TUSC3: variants seen among roughly 807,000 people sequenced by gnomAD.
TUSC3 encodes the protein dolichyl-diphosphooligosaccharide--protein glycosyltransferase subunit TUSC3.
Under a neutral mutation model 44.8 loss-of-function variants are expected in TUSC3, and 45 were observed. The ratio of observed to expected loss-of-function variants is 1.00; its 90% CI spans 0.79 to 1.29. TUSC3 has a LOEUF of 1.29. Ranked by LOEUF, TUSC3 falls within the 50% of genes most tolerant of loss-of-function variation. The pLI is 0.00. For synonymous variants in TUSC3, 212 were observed against 152.9 expected (o/e 1.39, Z -2.85); for missense variants, 519 against 437.9 (o/e 1.19, Z -1.65).
intron 5 of TUSC3, among the ~76,000 whole-genome samples, chr8:15,670,352 A>G (rs550028890): frequency 2.0e-5 from 3 of 151,868 alleles, no homozygotes; most frequent in African/African-American, 7.2e-5. Flanking sequence ...ATTTCACATA[A>G]AGCCATCTGG....
the TUSC3 span, among the ~76,000 whole-genome samples, chr8:15,788,115 G>T: frequency 2.0e-5 from 3 of 152,168 alleles, no homozygotes; most frequent in Non-Finnish European, 4.4e-5. Flanking sequence ...GACTATGGCT[G>T]TGAGGACTTT....
rs1342749454 is a variant in TUSC3, at chr8:15,573,086, A to T, written c.138+32518A>T. On this transcript the variant is annotated intron_variant, in intron 1 of 10. Transcript: ENST00000503731. ...ACCTTCAATTTGTAAAAAATGCCTT[A>T]TCTGTGAAGCGCAGTTAAGCAAAGC... 3.3e-5 allele frequency among the ~76,000 whole-genome samples: 5 copies of T among 151,116 alleles called. No homozygotes were observed. In the East Asian group the frequency reaches 9.8e-4, roughly 30 times the overall value.
downstream of TUSC3, among the ~76,000 whole-genome samples, chr8:15,770,364 C>G (rs898170407): frequency 2.0e-5 from 3 of 152,036 alleles, no homozygotes; most frequent in African/African-American, 7.2e-5. Flanking sequence ...ACAGTGAGAA[C>G]GCATGGACAC....
chr8:15,768,997 C>T (rs1016722830), downstream of TUSC3, among the ~76,000 whole-genome samples: 7 of 151,976 alleles, frequency 4.6e-5, no homozygotes, highest in African/African-American at 7.3e-5. Context: ...ATGGCCGTAC[C>T]GCCAAAAGTA....
intron 2 of TUSC3, among the ~76,000 whole-genome samples, chr8:15,513,262 A>T (rs940251636): frequency 6.6e-6 from 1 of 151,998 alleles, no homozygotes; most frequent in Non-Finnish European, 1.5e-5. Context: ...AAGAAACCAC[A>T]CAGTAGATAA....
At chr8:15,790,941 T>C in the TUSC3 span, among the ~76,000 whole-genome samples, 1 of 152,202 alleles carries the variant, frequency 6.6e-6, no homozygotes, top group East Asian at 1.9e-4. Context: ...CTGAAGTTTT[T>C]AAGCAGGAGA....
chr8:15,483,052 A>T (rs964360402), intron 1 of TUSC3, among the ~76,000 whole-genome samples: 1 of 152,232 alleles, frequency 6.6e-6, no homozygotes, highest in Non-Finnish European at 1.5e-5. Context: ...TATTTGCAGA[A>T]CATCATAGAA....
At chr8:15,495,895 C>T (rs1454834507) in intron 2 of TUSC3, among the ~76,000 whole-genome samples, 1 of 152,094 alleles carries the variant, frequency 6.6e-6, no homozygotes, top group Non-Finnish European at 1.5e-5. Context: ...ATTTATTTTG[C>T]CTCCAGGGTC....
At chr8:15,830,517 T>C in the TUSC3 span, among the ~76,000 whole-genome samples, 1 of 152,162 alleles carries the variant, frequency 6.6e-6, no homozygotes, top group Admixed American at 6.5e-5. Context: ...TCTAGGTGTT[T>C]ATCGATGGAT....
the TUSC3 span, among the ~76,000 whole-genome samples, chr8:15,827,254 G>C: frequency 6.6e-6 from 1 of 152,172 alleles, no homozygotes; most frequent in African/African-American, 2.4e-5. Flanking sequence ...AACATTATTT[G>C]ATTCTAACTC....
chr8:15,441,735 G>A (rs180905448), intron 1 of TUSC3, among the ~76,000 whole-genome samples: 2 of 151,890 alleles, frequency 1.3e-5, no homozygotes, highest in East Asian at 1.9e-4. Context: ...AGAGAACAGG[G>A]GGTATGTATT....
At chr8:15,427,551 C>T (rs1416629636) in intron 1 of TUSC3, among the ~76,000 whole-genome samples, 1 of 152,154 alleles carries the variant, frequency 6.6e-6, no homozygotes, top group East Asian at 1.9e-4. Flanking sequence ...GGTCAAGCCA[C>T]GCACTTGGTC....
chr8:15,555,438 A>G (rs886824791), intron 1 of TUSC3, among the ~76,000 whole-genome samples: 1 of 150,802 alleles, frequency 6.6e-6, no homozygotes, highest in East Asian at 2.0e-4. Context: ...CTGGGACCAC[A>G]GGCACTTGCC....
chr8:15,743,720 G>T (rs906722601), intron 8 of TUSC3, 108 bp downstream of exon 8: 3 of 1,217,816 alleles, frequency 2.5e-6, no homozygotes, highest in Non-Finnish European at 3.6e-6. Flanking sequence ...CTAAAGAAAT[G>T]TTCTGGTTTG....
At chr8:15,432,134 A>T (rs1252079519) in intron 1 of TUSC3, among the ~76,000 whole-genome samples, 1 of 151,980 alleles carries the variant, frequency 6.6e-6, no homozygotes, top group Non-Finnish European at 1.5e-5. Context: ...TAAAATGAGT[A>T]TGGAAGTGTT....
intron 7 of TUSC3, chr8:15,733,528 G>A: frequency 4.0e-6 from 1 of 251,542 alleles, no homozygotes; most frequent in African/African-American, 2.3e-5. Flanking sequence ...TTAATTTCAT[G>A]GATCATTGAC....
intron 1 of TUSC3, among the ~76,000 whole-genome samples, chr8:15,570,842 T>G (rs1802844456): frequency 6.6e-6 from 1 of 151,928 alleles, no homozygotes; most frequent in Non-Finnish European, 1.5e-5. Context: ...AATGCATACC[T>G]CTGGGGATGT....
the TUSC3 span, among the ~76,000 whole-genome samples, chr8:15,840,867 C>A: frequency 6.6e-6 from 1 of 152,064 alleles, no homozygotes; most frequent in South Asian, 2.1e-4. Context: ...ATGACATAAA[C>A]AAGAAGTAAA....
chr8:15,753,035 A>T (rs1811771114), intron 9 of TUSC3, among the ~76,000 whole-genome samples: 1 of 152,052 alleles, frequency 6.6e-6, no homozygotes, highest in Admixed American at 6.6e-5. Flanking sequence ...TTATTAAACA[A>T]ATTTAAGTAA....
Sources: allele counts gnomAD v4.1 joint callset (sites outside exome capture counted in the v4.1 genomes callset), GRCh38; gene constraint gnomAD v4.1.1; transcripts MANE v1.5; gene names NCBI Gene and HGNC (gene_info 2026-07-23, HGNC 2026-07-21).